The following ITGA3 variants were observed in gnomAD, a reference collection of about 807,000 sequenced individuals.
ITGA3 encodes integrin subunit alpha 3.
In ITGA3, 70 loss-of-function variants were observed where a neutral mutation model predicts 131.1. The observed-to-expected ratio is 0.53, with a 90% CI of 0.44 to 0.65. The LOEUF (loss-of-function observed/expected upper bound fraction) is 0.65. Ranked by LOEUF, ITGA3 falls within the 30% of genes least tolerant of loss-of-function variation. The probability of loss-of-function intolerance (pLI) is 0.00; values close to 1 mark genes in which losing one functional copy is unlikely to be tolerated. For synonymous variants in ITGA3, 537 were observed against 571.6 expected (o/e 0.94, Z 0.86); for missense variants, 1,098 against 1,388.6 (o/e 0.79, Z 3.33).
intron 24 of ITGA3, 125 bp downstream of exon 24, chr17:50,087,994 T>A: frequency 7.4e-7 from 1 of 1,344,042 alleles, no homozygotes; most frequent in Non-Finnish European, 1.0e-6. Flanking sequence ...CTCCCTGTCC[T>A]CTCCACCTTC....
rs756903521 is a variant in ITGA3, at chr17:50,074,426, T to C, written c.1383-22T>C. On this transcript the variant is annotated intron_variant, in intron 9 of 25. Transcript: ENST00000320031. ...GGCAGGCAGGAGGCACTGATATCTGTCTGGCTCTGTTGTCTCTGCAGGGCC... is the reference window on the plus strand; with the variant it reads ...GGCAGGCAGGAGGCACTGATATCTGCCTGGCTCTGTTGTCTCTGCAGGGCC... 1.6e-5 allele frequency: 25 copies of C among 1,612,136 alleles called. No homozygotes were observed. In the East Asian group the frequency reaches 4.9e-4, roughly 32 times the overall value.
intron 3 of ITGA3, 98 bp from the exon 4 acceptor site, chr17:50,067,958 C>A: frequency 6.6e-7 from 1 of 1,505,610 alleles, no homozygotes; most frequent in Non-Finnish European, 9.0e-7. Flanking sequence ...TCTCCTTTGA[C>A]TCCTGTTTGG....
At chr17:50,084,097 G>A (rs969578511) in intron 23 of ITGA3, among the ~76,000 whole-genome samples, 2 of 151,914 alleles carry the variant, frequency 1.3e-5, no homozygotes, top group South Asian at 4.2e-4. Flanking sequence ...AACTGGGCGT[G>A]GTGGTGCATG....
chr17:50,064,820 C>T lies in ITGA3; in HGVS notation c.414+213C>T, dbSNP rs1908258157. 2.0e-6 allele frequency: 1 copy of T among 511,588 alleles called. No individual in the cohort carries two copies. The highest frequency in any genetic ancestry group is 2.6e-5 in the South Asian group (1 of 38,196). 31.7% of individuals were successfully genotyped at this position (511,588 alleles called of 1,614,324 possible). ...GTGCTCTCCCAAACCCCCGCACGGC[C>T]TGAGTTCTCTGACTCATCCACTTCC... On this transcript the variant is annotated intron_variant, in intron 3 of 25. Coordinates refer to ENST00000320031, the MANE Select transcript of ITGA3 (RefSeq NM_002204.4). This position sits in a 1 kb window ranked among gnomAD's most constrained non-coding sequence, Gnocchi z 4.4.
chr17:50,079,497 C>T lies in ITGA3; in HGVS notation c.2646C>T (p.Gly882=), dbSNP rs368973036. The T allele has an allele frequency of 2.5e-6, 4 of 1,579,702 alleles. No homozygotes were observed. In the African/African-American group the frequency reaches 5.4e-5, roughly 21 times the overall value. The change falls in exon 21 of 26, where the codon GGC becomes GGT. Residue 882 remains glycine (G), a synonymous_variant. Transcript: ENST00000320031. ...RRRRQLDPGG[G]QGPPPVTLAA... ...GGCGACAGCTGGATCCAGGGGGAGG[C>T]CAGGGCCCCCCACCTGTCACTCTGG...
At chr17:50,077,240 C>A (rs947285869) in intron 15 of ITGA3, 119 bp downstream of exon 15, 15 of 1,313,566 alleles carry the variant, frequency 1.1e-5, no homozygotes, top group African/African-American at 1.5e-5. Flanking sequence ...CTGGTCTGGG[C>A]CTTCTTGGGG....
At chr17:50,065,069 A>G (rs1908272812) in intron 3 of ITGA3, 1 of 154,448 alleles carries the variant, frequency 6.5e-6, no homozygotes, top group Non-Finnish European at 1.4e-5. Flanking sequence ...CCCACATTCT[A>G]TAGTGGCAGC....
chr17:50,086,640 G>A (rs1310309345), intron 23 of ITGA3: 1 of 131,042 alleles, frequency 7.6e-6, no homozygotes, highest in African/African-American at 2.9e-5. Context: ...AGTGAGCCGA[G>A]ATTGTGCCAC....
At chr17:50,081,227 GA>G (rs1342762693) in intron 22 of ITGA3, 82 bp from the exon 23 acceptor site, 33 of 825,778 alleles carry the variant, frequency 4.0e-5, no homozygotes, top group Admixed American at 8.6e-5. Flanking sequence ...GTGGGAGGGT[GA>G]TGGGGTGGGA....
chr17:50,062,814 G>A (rs1384961169), intron 1 of ITGA3, among the ~76,000 whole-genome samples: 2 of 152,270 alleles, frequency 1.3e-5, no homozygotes, highest in African/African-American at 2.4e-5. Context: ...GCTGGGAGCT[G>A]TAGAGTGATA....
intron 7 of ITGA3, among the ~76,000 whole-genome samples, chr17:50,073,624 ACACACACACG>A (rs943153799): frequency 7.3e-5 from 10 of 137,484 alleles, no homozygotes; most frequent in South Asian, 4.5e-4. Flanking sequence ...ACACACACAC[ACACACACACG>A]CACACACGCA....
intron 21 of ITGA3, 33 bp from the exon 22 acceptor site, chr17:50,080,229 T>C: frequency 7.8e-7 from 1 of 1,285,200 alleles, no homozygotes; most frequent in Non-Finnish European, 1.1e-6. Flanking sequence ...AGACTCAGAC[T>C]ATGTCACGTC....
rs1909614942 is a variant in ITGA3 at position 50,089,441 on chromosome 17, A to T, written c.*363A>T. On this transcript the variant is annotated 3_prime_UTR_variant, in exon 26 of 26. Transcript: ENST00000320031. ...TGTCTGGCCCTGGGGATCTTCCCAC[A>T]GGAGGGCCAGCGCTGTGGACCTTAC... 1.6e-6 allele frequency: 1 copy of T among 610,578 alleles called. No individual in the cohort carries two copies. Among genetic ancestry groups the T allele is most frequent in the East Asian group, 2.8e-5 (1 of 36,182 alleles). The allele number at this position is 610,578 out of a possible 1,614,324, so 37.8% of individuals were successfully genotyped here. A position where few individuals can be genotyped will look rare whatever the true frequency, so the allele number is the denominator to read the frequency against.
Position 50,072,043 on chromosome 17 carries a change from G to A in ITGA3, c.1017G>A (p.Gly339=), listed in dbSNP as rs775772151. ...ACTTCGAGAGGAAAGAGGAAGTAGG[G>A]GGTGCCATCTATGTCTTCATGAACC... The part of the protein sequence containing the change: ...PYYFERKEEV[G]GAIYVFMNQA... Residue 339 remains glycine, a synonymous_variant, in exon 7 of 26, where the codon GGG becomes GGA. Transcript: ENST00000320031. The A allele has an allele frequency of 1.9e-6, 3 of 1,613,942 alleles. No homozygotes were observed. The highest frequency in any genetic ancestry group is 1.6e-4 in the Middle Eastern group (1 of 6,082).
chr17:50,087,723 G>A, intron 23 of ITGA3, 21 bp from the exon 24 acceptor site: 2 of 1,606,450 alleles, frequency 1.2e-6, no homozygotes, highest in Non-Finnish European at 1.7e-6. Flanking sequence ...ACAGGGCTGA[G>A]TCCTCCTCTC....
intron 7 of ITGA3, 68 bp downstream of exon 7, chr17:50,072,250 T>G (rs889305433): frequency 1.4e-6 from 2 of 1,403,722 alleles, no homozygotes; most frequent in Admixed American, 3.6e-5. Context: ...CCCTACTGAC[T>G]GAGCACCAGC....
intron 23 of ITGA3, among the ~76,000 whole-genome samples, chr17:50,083,034 G>T (rs1909252309): frequency 6.6e-6 from 1 of 152,158 alleles, no homozygotes; most frequent in Non-Finnish European, 1.5e-5. Flanking sequence ...TGCAGGGTTG[G>T]TTATGTACAT....
chr17:50,080,117 CGT>C, intron 21 of ITGA3, 143 bp from the exon 22 acceptor site: 1 of 560,460 alleles, frequency 1.8e-6, no homozygotes, highest in Non-Finnish European at 3.2e-6. Context: ...GGTTGGGGGA[CGT>C]GTGCATGAGT....
In ITGA3 at chr17:50,072,028, G is replaced by T. The variant is rs1162158446; in HGVS notation, c.1002G>T (p.Arg334Ser). The T allele has an allele frequency of 6.2e-7, 1 of 1,613,892 alleles. No individual in the cohort carries two copies. Among genetic ancestry groups the T allele is most frequent in the Admixed American group, 1.7e-5 (1 of 59,974 alleles). The change falls in exon 7 of 26, where the codon AGG becomes AGT. Residue 334 changes from arginine to serine, a missense_variant. Arg to Ser is a moderately radical substitution (Grantham distance 110). Around this residue, in one of 3 missense-constraint regions of ITGA3, gnomAD observed 356 missense variants for 529.2 expected, o/e 0.67. Transcript: ENST00000320031. The part of the protein sequence containing the change: ...LLVGAPYYFE[R>S]KEEVGGAIYV... ...TGGGCGCCCCCTACTACTTCGAGAG[G>T]AAAGAGGAAGTAGGGGGTGCCATCT...
Sources: gnomAD v4.1 joint callset for allele counts (sites outside exome capture counted in the v4.1 genomes callset) on GRCh38, gnomAD v4.1.1 for gene constraint, gnomAD v4.1.1 regional missense constraint, Gnocchi (gnomAD v3.1) non-coding constraint, MANE v1.5 for transcripts, NCBI Gene and HGNC (gene_info 2026-07-23, HGNC 2026-07-21) for gene names.